Variants in PDE4D observed in about 807,000 individuals in gnomAD.
PDE4D encodes the protein phosphodiesterase 4D, also known as 3',5'-cyclic-AMP phosphodiesterase 4D.
In PDE4D, 24 loss-of-function variants were observed where a neutral mutation model predicts 87.4. The observed-to-expected ratio is 0.27, with a 90% CI of 0.20 to 0.39. The LOEUF is 0.39. Ranked by LOEUF, PDE4D falls within the 10% of genes least tolerant of loss-of-function variation. The probability of loss-of-function intolerance (pLI) is 1.00; values close to 1 mark genes in which losing one functional copy is unlikely to be tolerated. For synonymous variants in PDE4D, 384 were observed against 383.2 expected, an observed-to-expected ratio of 1.00 and a Z score of -0.02; for missense variants, 714 against 1,041.0, an observed-to-expected ratio of 0.69 and a Z score of 4.32.
intron 2 of PDE4D, among the ~76,000 whole-genome samples, chr5:60,034,506 C>G (rs1047554858): frequency 5.3e-5 from 8 of 152,164 alleles, no homozygotes; most frequent in African/African-American, 1.9e-4. Flanking sequence ...CTTCCTGCCT[C>G]TCTCTTAAAA....
intron 2 of PDE4D, among the ~76,000 whole-genome samples, chr5:60,025,622 G>T (rs1324132234): frequency 6.6e-6 from 1 of 151,740 alleles, no homozygotes; most frequent in African/African-American, 2.4e-5. Flanking sequence ...AATGAGAAGA[G>T]ACTTAGAAAG....
At chr5:60,131,129 C>T (rs1779531343) in intron 2 of PDE4D, among the ~76,000 whole-genome samples, 1 of 152,058 alleles carries the variant, frequency 6.6e-6, no homozygotes, top group Non-Finnish European at 1.5e-5. Context: ...ATACTCTTTC[C>T]AAGAGATTTT....
At chr5:59,756,254 GT>G (rs1236088283) in intron 1 of PDE4D, among the ~76,000 whole-genome samples, 1 of 151,516 alleles carries the variant, frequency 6.6e-6, no homozygotes, top group Non-Finnish European at 1.5e-5. Flanking sequence ...TAATTTAACT[GT>G]TATGAATTCT....
intron 3 of PDE4D, among the ~76,000 whole-genome samples, chr5:59,976,364 G>T (rs890471053): frequency 6.6e-6 from 1 of 152,066 alleles, no homozygotes; most frequent in Admixed American, 6.6e-5. Flanking sequence ...GAGATGCTTG[G>T]GTCATGGGGT....
intron 10 of PDE4D, 78 bp from the exon 11 acceptor site, chr5:58,988,670 C>G (rs547942547): frequency 3.9e-4 from 236 of 598,132 alleles, no homozygotes; most frequent in Non-Finnish European, 5.8e-4. Flanking sequence ...TAAGAAATCT[C>G]TAGAATTTAA....
chr5:59,787,698 G>C (rs1464644813), intron 1 of PDE4D, among the ~76,000 whole-genome samples: 1 of 152,120 alleles, frequency 6.6e-6, no homozygotes, highest in Non-Finnish European at 1.5e-5. Context: ...GTGATTACTA[G>C]AAAATATACC....
At chr5:59,441,870 T>C (rs1797670925) in intron 1 of PDE4D, among the ~76,000 whole-genome samples, 1 of 152,236 alleles carries the variant, frequency 6.6e-6, no homozygotes, top group South Asian at 2.1e-4. Context: ...ATTTGTTTGA[T>C]TGGATGAACG....
At chr5:59,292,560 T>C (rs1280516532) in intron 1 of PDE4D, among the ~76,000 whole-genome samples, 1 of 152,176 alleles carries the variant, frequency 6.6e-6, no homozygotes, top group African/African-American at 2.4e-5. Context: ...TTTGCAATCA[T>C]CCAGCATACT....
intron 1 of PDE4D, among the ~76,000 whole-genome samples, chr5:59,225,380 A>G (rs925988348): frequency 6.6e-6 from 1 of 152,144 alleles, no homozygotes; most frequent in African/African-American, 2.4e-5. Flanking sequence ...TTATGCCAGT[A>G]CCACATTGTT....
intron 5 of PDE4D, among the ~76,000 whole-genome samples, chr5:59,128,496 T>C (rs1309358015): frequency 1.3e-5 from 2 of 152,158 alleles, no homozygotes. Flanking sequence ...GGGCAATTAT[T>C]ATGGGGATGA....
At chr5:60,434,817 C>T (rs1744635715) in intron 1 of PDE4D, among the ~76,000 whole-genome samples, 1 of 152,042 alleles carries the variant, frequency 6.6e-6, no homozygotes, top group Non-Finnish European at 1.5e-5. Context: ...GCTTTCCTCT[C>T]TCTCCCTTGC....
intron 5 of PDE4D, among the ~76,000 whole-genome samples, chr5:59,123,030 T>G (rs889389383): frequency 6.6e-6 from 1 of 151,748 alleles, no homozygotes; most frequent in Admixed American, 6.6e-5. Context: ...CTGTTTTTTT[T>G]GTTTTTTTTT....
At chr5:59,275,260 C>T (rs1009278508) in intron 1 of PDE4D, 9 of 1,174,956 alleles carry the variant, frequency 7.7e-6, no homozygotes, top group South Asian at 2.6e-5. Context: ...CTCGACATCA[C>T]ACAACTTACT....
intron 1 of PDE4D, among the ~76,000 whole-genome samples, chr5:60,214,390 T>C (rs900888920): frequency 6.6e-6 from 1 of 152,206 alleles, no homozygotes; most frequent in African/African-American, 2.4e-5. Flanking sequence ...ACTTTCTAGT[T>C]TGTGTGTTTA....
intron 6 of PDE4D, among the ~76,000 whole-genome samples, chr5:59,014,355 T>C (rs1245021776): frequency 1.3e-5 from 2 of 152,158 alleles, no homozygotes; most frequent in South Asian, 4.1e-4. Context: ...GGAAGTCAAA[T>C]TGTCCCTGTT....
At position 58,970,396 on chromosome 5, in the gene PDE4D, C is replaced by T. The variant is rs778454702; in HGVS notation, c.*4268G>A. 6.6e-6 allele frequency: 1 copy of T among 152,104 alleles called. No individual in the cohort carries two copies. The highest frequency in any genetic ancestry group is 1.5e-5 in the Non-Finnish European group (1 of 68,002). The allele number at this position is 152,104 out of a possible 1,614,324, so 9.4% of individuals were successfully genotyped here. ...AAAATAAAATAAAATAAAATAGGCT[C>T]ATTTTTCCTAGAAAAAGAATCTTTC... On this transcript the variant is annotated 3_prime_UTR_variant, in exon 15 of 15. Coordinates refer to ENST00000340635, the MANE Select transcript of PDE4D (RefSeq NM_001104631.2).
intron 1 of PDE4D, among the ~76,000 whole-genome samples, chr5:59,640,566 T>C (rs2150190456): frequency 6.6e-6 from 1 of 152,274 alleles, no homozygotes; most frequent in South Asian, 2.1e-4. Context: ...TCTCAGGCAG[T>C]CCCCACTGTG....
At chr5:59,251,709 A>G (rs1336351415) in intron 1 of PDE4D, among the ~76,000 whole-genome samples, 1 of 152,176 alleles carries the variant, frequency 6.6e-6, no homozygotes, top group Non-Finnish European at 1.5e-5. Flanking sequence ...TCATTCTACC[A>G]TAAAGATACA....
intron 1 of PDE4D, among the ~76,000 whole-genome samples, chr5:59,371,153 G>A (rs2153598497): frequency 6.6e-6 from 1 of 152,290 alleles, no homozygotes; most frequent in Admixed American, 6.5e-5. Flanking sequence ...ACTCCTGGGA[G>A]GGTATATTAC....
Sources: gnomAD v4.1 joint callset for allele counts (sites outside exome capture counted in the v4.1 genomes callset) on GRCh38, gnomAD v4.1.1 for gene constraint, MANE v1.5 for transcripts, NCBI Gene and HGNC (gene_info 2026-07-23, HGNC 2026-07-21) for gene names.